BRSK2: variants seen among roughly 807,000 people sequenced by gnomAD.
BRSK2 encodes serine/threonine-protein kinase BRSK2.
BRSK2 carries 19 observed loss-of-function variants against 83.3 expected under a neutral mutation model. The observed-to-expected ratio is 0.23, with a 90% CI of 0.16 to 0.33. The LOEUF (loss-of-function observed/expected upper bound fraction) is 0.33, where lower values mean the gene tolerates loss of function less well. Among genes scored for constraint, BRSK2 ranks in the 10% least tolerant of loss-of-function variants. The pLI is 1.00. For synonymous variants in BRSK2, 519 were observed against 435.4 expected (o/e 1.19, Z -2.39); for missense variants, 798 against 1,042.3 (o/e 0.77, Z 3.23).
At chr11:1,391,378 C>T (rs1845721874) in intron 1 of BRSK2, among the ~76,000 whole-genome samples, 1 of 152,192 alleles carries the variant, frequency 6.6e-6, no homozygotes, top group Non-Finnish European at 1.5e-5. Context: ...GAGGAGAGCG[C>T]TGGTGCAGGG....
chr11:1,414,574 T>C (rs1428463023), intron 1 of BRSK2, among the ~76,000 whole-genome samples: 1 of 152,228 alleles, frequency 6.6e-6, no homozygotes, highest in African/African-American at 2.4e-5. Flanking sequence ...CATTGTTTAG[T>C]GTAGGGTGAT....
At chr11:1,440,700 G>C (rs996787951) in intron 3 of BRSK2, 88 bp from the exon 4 acceptor site, 11 of 1,480,742 alleles carry the variant, frequency 7.4e-6, no homozygotes, top group Non-Finnish European at 9.0e-6. Context: ...AGAGAGGCTG[G>C]GCCAGGAGGC....
intron 1 of BRSK2, chr11:1,411,722 G>T: frequency 6.6e-7 from 1 of 1,512,180 alleles, no homozygotes; most frequent in African/African-American, 1.4e-5. Context: ...GCAGGGACGG[G>T]GGACCTCGCC....
At chr11:1,459,073 T>A in intron 18 of BRSK2, 119 bp from the exon 19 acceptor site, 50 of 656,664 alleles carry the variant, frequency 7.6e-5, no homozygotes, top group Middle Eastern at 3.1e-4. Flanking sequence ...CCCATGCCTC[T>A]GGGGCCCTAC....
In BRSK2 at chr11:1,454,130, G is replaced by A. The variant is rs1029837581; in HGVS notation, c.1545-355G>A. On this transcript the variant is annotated intron_variant, in intron 15 of 19. Transcript: ENST00000528841. The surrounding 1 kb of genome is among the most constrained non-coding windows in gnomAD (Gnocchi z 5.2). ...ACAGCTGACTTCAGGAGCCCAGCTT[G>A]AGCCACCTCTCACAGCGGCCTTGGT... 2 of 182,978 alleles carry A rather than the reference G, an allele frequency of 1.1e-5. No individual in the cohort carries two copies. Among genetic ancestry groups the A allele is most frequent in the South Asian group, 1.2e-4 (1 of 8,026 alleles). The allele number at this position is 182,978 out of a possible 1,614,324, so 11.3% of individuals were successfully genotyped here. A position where few individuals can be genotyped will look rare whatever the true frequency, so the allele number is the denominator to read the frequency against.
At chr11:1,408,037 C>T (rs1017886781) in intron 1 of BRSK2, among the ~76,000 whole-genome samples, 1 of 152,232 alleles carries the variant, frequency 6.6e-6, no homozygotes, top group Non-Finnish European at 1.5e-5. Flanking sequence ...GGAGGGGTTC[C>T]TGGTCCCAGG....
intron 16 of BRSK2, among the ~76,000 whole-genome samples, chr11:1,455,862 A>T (rs948235919): frequency 6.6e-6 from 1 of 151,878 alleles, no homozygotes; most frequent in African/African-American, 2.4e-5. Flanking sequence ...AAGCCCACCC[A>T]GCCAGTGCCC....
At chr11:1,460,319 C>T (rs1404402744) in intron 19 of BRSK2, among the ~76,000 whole-genome samples, 181 bp from the exon 20 acceptor site, 2 of 152,078 alleles carry the variant, frequency 1.3e-5, no homozygotes, top group African/African-American at 4.8e-5. Flanking sequence ...GCTTGCCGCC[C>T]ACCGGTCCCC....
intron 2 of BRSK2, among the ~76,000 whole-genome samples, chr11:1,437,415 C>G (rs1237697190): frequency 6.6e-6 from 1 of 152,184 alleles, no homozygotes; most frequent in Non-Finnish European, 1.5e-5. Flanking sequence ...GACACGGCCA[C>G]TTCTTTGTGC....
In BRSK2 at chr11:1,456,329, C is replaced by T. The variant is rs747618180; in HGVS notation, c.1669-19C>T. ...GGACCTGCCAGGCCAGCCACGCTCA[C>T]GCTGCTCTCTCTCCACAGATTCCCA... On this transcript the variant is annotated intron_variant, in intron 16 of 19. Transcript: ENST00000528841. The T allele has an allele frequency of 2.9e-5, 44 of 1,539,332 alleles. No individual in the cohort carries two copies. The highest frequency in any genetic ancestry group is 1.5e-4 in the African/African-American group (11 of 72,642).
intron 1 of BRSK2, among the ~76,000 whole-genome samples, chr11:1,429,513 C>T (rs1337232260): frequency 6.6e-6 from 1 of 152,192 alleles, no homozygotes; most frequent in African/African-American, 2.4e-5. Context: ...TGCTCTGTCG[C>T]CAGCATCCTG....
At chr11:1,404,116 C>T (rs1348838283) in intron 1 of BRSK2, among the ~76,000 whole-genome samples, 1 of 152,222 alleles carries the variant, frequency 6.6e-6, no homozygotes, top group Non-Finnish European at 1.5e-5. Flanking sequence ...CTCCACTGTC[C>T]CACAGAAGCT....
At chr11:1,442,402 C>A in intron 4 of BRSK2, 88 bp from the exon 5 acceptor site, 1 of 945,870 alleles carries the variant, frequency 1.1e-6, no homozygotes, top group Non-Finnish European at 1.7e-6. Context: ...TTTGGAGAGG[C>A]AGTGGGCTCT....
In BRSK2 at chr11:1,460,693, C is replaced by CCCGCCCG. The variant is rs1307054192; in HGVS notation, c.2187_2188insGCCGCCC (p.Thr730AlafsTer99). On this transcript the variant is annotated frameshift_variant, in exon 20 of 20. Coordinates refer to ENST00000528841, the MANE Select transcript of BRSK2 (RefSeq NM_001256627.2). LOFTEE classifies it high-confidence loss of function. Reference sequence around the variant, plus strand: ...CGGGCAAGGACACGGCCAAGATGGGCCCGCCCACCGCCCGCCGCGAGCAGC... The same window carrying CCCGCCCG: ...CGGGCAAGGACACGGCCAAGATGGGCCCGCCCGCCGCCCACCGCCCGCCGCGAGCAGC... The CCCGCCCG allele has an allele frequency of 1.6e-4, 240 of 1,508,938 alleles. No homozygotes were observed. The highest frequency in any genetic ancestry group is 2.3e-4 in the Middle Eastern group (1 of 4,422). 93.5% of individuals were successfully genotyped at this position (1,508,938 alleles called of 1,614,324 possible). A position where few individuals can be genotyped will look rare whatever the true frequency, so the allele number is the denominator to read the frequency against.
chr11:1,443,442 C>T (rs372256266), intron 7 of BRSK2, 39 bp downstream of exon 7: 28 of 1,577,508 alleles, frequency 1.8e-5, no homozygotes, highest in Non-Finnish European at 2.2e-5. Context: ...CTGGCCTCTC[C>T]CCAAACCTGC....
At chr11:1,427,110 C>G (rs1849321776) in intron 1 of BRSK2, among the ~76,000 whole-genome samples, 1 of 152,174 alleles carries the variant, frequency 6.6e-6, no homozygotes, top group Non-Finnish European at 1.5e-5. Context: ...GCTCCTGGAC[C>G]TGCAGCCCCC....
In BRSK2 at chr11:1,456,849, A is replaced by G. The variant is rs995067373; in HGVS notation, c.1939+162A>G. On this transcript the variant is annotated intron_variant, in intron 18 of 19. Transcript: ENST00000528841. ...CGAGCTGTGGCTGCACCCCTCAGGG[A>G]GCAGAGCCCCTCCCTGGCCTGGCGG... The G allele has an allele frequency of 1.1e-4, 151 of 1,376,830 alleles. 2 individuals carry two copies. Among genetic ancestry groups the G allele is most frequent in the Non-Finnish European group, 1.2e-4 (116 of 1,002,866 alleles). The allele number at this position is 1,376,830 out of a possible 1,614,324, so 85.3% of individuals were successfully genotyped here.
Position 1,411,782 on chromosome 11 carries a change from C to T in BRSK2, c.91+21407C>T, listed in dbSNP as rs1039402952. The T allele has an allele frequency of 6.6e-5, 78 of 1,187,698 alleles. No individual in the cohort carries two copies. The Middle Eastern group carries it at 1.2e-3, about 18-fold the overall frequency. The allele number at this position is 1,187,698 out of a possible 1,614,324, so 73.6% of individuals were successfully genotyped here. On this transcript the variant is annotated intron_variant, in intron 1 of 19. Coordinates refer to ENST00000528841, the MANE Select transcript of BRSK2 (RefSeq NM_001256627.2). Reference sequence around the variant, plus strand: ...GGAGGGCCAGCTGTGCGGGTTCCTACGCTGGCGCTGCCTGCCCCTATGTGG... The same window carrying T: ...GGAGGGCCAGCTGTGCGGGTTCCTATGCTGGCGCTGCCTGCCCCTATGTGG...
At position 1,395,314 on chromosome 11, in the gene BRSK2, C is replaced by T. The variant is rs73407489; in HGVS notation, c.91+4939C>T. Among the ~76,000 whole-genome samples the T allele has an allele frequency of 8.9e-3, 1,355 of 152,290 alleles. 19 individuals carry two copies. Among genetic ancestry groups the T allele is most frequent in the African/African-American group, 0.031 (1,275 of 41,548 alleles). On this transcript the variant is annotated intron_variant, in intron 1 of 19. Transcript: ENST00000528841. ...GGGAGCCAGCATGGTGGGTAGCCCT[C>T]CCATCTGAAGTCTCCCTGGCCCCCT...
Sources: allele counts gnomAD v4.1 joint callset (sites outside exome capture counted in the v4.1 genomes callset), GRCh38; gene constraint gnomAD v4.1.1; non-coding constraint Gnocchi (gnomAD v3.1); transcripts MANE v1.5; gene names NCBI Gene and HGNC (gene_info 2026-07-23, HGNC 2026-07-21).